The following CDC27 variants were observed in gnomAD, a reference collection of about 807,000 sequenced individuals.
CDC27 encodes the protein cell division cycle protein 27 homolog.
CDC27 carries 27 observed loss-of-function variants against 109.7 expected under a neutral mutation model. The observed-to-expected ratio is 0.25, with a 90% CI of 0.18 to 0.34. The LOEUF is 0.34. Ranked by LOEUF, CDC27 falls within the 10% of genes least tolerant of loss-of-function variation. The pLI, the probability that CDC27 is intolerant of heterozygous loss-of-function variation, is 1.00. For missense variants in CDC27, 579 were observed against 960.2 expected, an observed-to-expected ratio of 0.60 and a Z score of 5.25; for synonymous variants, 266 against 333.9, an observed-to-expected ratio of 0.80 and a Z score of 2.22.
At chr17:47,182,511 T>C (rs1018591795) in intron 1 of CDC27, among the ~76,000 whole-genome samples, 10 of 152,222 alleles carry the variant, frequency 6.6e-5, no homozygotes, top group Non-Finnish European at 1.2e-4. Flanking sequence ...CTTGGTTTTC[T>C]TCACAATTTT....
At chr17:47,141,250 C>CT (rs1239034310) in intron 12 of CDC27, among the ~76,000 whole-genome samples, 3 of 151,958 alleles carry the variant, frequency 2.0e-5, no homozygotes, top group Non-Finnish European at 2.9e-5. Context: ...TAAAAGGTTT[C>CT]TTTTTTTAAG....
chr17:47,183,217 T>G (rs1186277024), intron 1 of CDC27, among the ~76,000 whole-genome samples: 1 of 152,166 alleles, frequency 6.6e-6, no homozygotes, highest in African/African-American at 2.4e-5. Flanking sequence ...AGCTTATAAT[T>G]TGTTGAATGA....
chr17:47,158,475 G>A (rs1056972608), intron 4 of CDC27, among the ~76,000 whole-genome samples, 172 bp from the exon 5 acceptor site: 4 of 152,112 alleles, frequency 2.6e-5, no homozygotes, highest in East Asian at 1.9e-4. Context: ...AAGTGAAAGC[G>A]CACAGAACAT....
chr17:47,169,853 T>C (rs1448064244), intron 4 of CDC27, 64 bp downstream of exon 4: 2 of 1,401,924 alleles, frequency 1.4e-6, no homozygotes, highest in Non-Finnish European at 1.9e-6. Flanking sequence ...ACATAGGTTT[T>C]TTAAACTATA....
chr17:47,124,178 A>AACACACACACACACACACAC (rs59790354), intron 16 of CDC27, among the ~76,000 whole-genome samples: 26 of 144,498 alleles, frequency 1.8e-4, no homozygotes, highest in South Asian at 6.7e-4. Context: ...GTACACTGAA[A>AACACACACACACACACACAC]ACACACACAC....
rs2061929452 is a variant in CDC27 at position 47,118,890 on chromosome 17, G to GT, written c.*2044dup. ...CCCCAACCAGCCATTGCCATGGCAT[G>GT]TCTTACAAAACGATCCTTTTATCCT... On this transcript the variant is annotated 3_prime_UTR_variant, in exon 19 of 19. Coordinates refer to ENST00000066544, the MANE Select transcript of CDC27 (RefSeq NM_001256.6). 1 of 152,324 alleles carries GT rather than the reference G, an allele frequency of 6.6e-6. No homozygotes were observed. Among genetic ancestry groups the GT allele is most frequent in the Admixed American group, 6.5e-5 (1 of 15,292 alleles). The allele number at this position is 152,324 out of a possible 1,614,324, so 9.4% of individuals were successfully genotyped here.
At chr17:47,187,779 T>G (rs1487972564) in intron 1 of CDC27, among the ~76,000 whole-genome samples, 1 of 151,550 alleles carries the variant, frequency 6.6e-6, no homozygotes, top group African/African-American at 2.4e-5. Context: ...TTGAGTAATC[T>G]GCTTATCTAT....
intron 18 of CDC27, 145 bp from the exon 19 acceptor site, chr17:47,121,162 A>T (rs969837021): frequency 2.3e-5 from 14 of 611,798 alleles, no homozygotes; most frequent in Non-Finnish European, 4.0e-5. Flanking sequence ...ATCCTTTAAT[A>T]AAATGCAACT....
At position 47,189,250 on chromosome 17, in the gene CDC27, T is replaced by TTTAAACTCA. The variant is rs1431355876; in HGVS notation, c.-87_-79dup. On this transcript the variant is annotated 5_prime_UTR_variant, in exon 1 of 19. In the 5' UTR this introduces an upstream ATG that the reference lacks. Transcript: ENST00000066544. ...CTCCGGCCCGGCCAGCCCCTGCTCA[T>TTTAAACTCA]TTAAACTCACCAGCGACCGTTACCG... 8.8e-7 allele frequency: 1 copy of TTTAAACTCA among 1,133,054 alleles called. No individual in the cohort carries two copies. Among genetic ancestry groups the TTTAAACTCA allele is most frequent in the Non-Finnish European group, 1.3e-6 (1 of 745,728 alleles). 70.2% of individuals were successfully genotyped at this position (1,133,054 alleles called of 1,614,324 possible). A position where few individuals can be genotyped will look rare whatever the true frequency, so the allele number is the denominator to read the frequency against.
intron 4 of CDC27, among the ~76,000 whole-genome samples, chr17:47,165,951 C>CT (rs2063631215): frequency 6.6e-6 from 1 of 152,206 alleles, no homozygotes; most frequent in Admixed American, 6.5e-5. Context: ...CAAAAGTCAA[C>CT]TGACCATCCA....
intron 4 of CDC27, among the ~76,000 whole-genome samples, chr17:47,169,278 A>G (rs1352832198): frequency 6.6e-6 from 1 of 152,052 alleles, no homozygotes; most frequent in Non-Finnish European, 1.5e-5. Context: ...GGCGTGAGAC[A>G]ATGCACCTGG....
intron 4 of CDC27, chr17:47,159,958 GC>G (rs1657409434): frequency 3.2e-6 from 1 of 312,764 alleles, no homozygotes; most frequent in Admixed American, 5.0e-5. Context: ...CCCATCCACG[GC>G]TGCGACCCCA....
intron 14 of CDC27, among the ~76,000 whole-genome samples, chr17:47,134,910 C>A (rs2062531115): frequency 6.6e-6 from 1 of 150,826 alleles, no homozygotes; most frequent in Non-Finnish European, 1.5e-5. Flanking sequence ...TAGGTATGAG[C>A]CACCATACCT....
chr17:47,120,726 C>G lies in CDC27; in HGVS notation c.*209G>C. 1 of 450,684 alleles carries G rather than the reference C, an allele frequency of 2.2e-6. No individual in the cohort carries two copies. Among genetic ancestry groups the G allele is most frequent in the African/African-American group, 2.0e-5 (1 of 49,000 alleles). 27.9% of individuals were successfully genotyped at this position (450,684 alleles called of 1,614,324 possible). On this transcript the variant is annotated 3_prime_UTR_variant, in exon 19 of 19. Coordinates refer to ENST00000066544, the MANE Select transcript of CDC27 (RefSeq NM_001256.6). ...TACCCCCCATAAATTGTCATTCATA[C>G]TGGTAAAAGAGCCAGTCTTGTTAGC... is the stretch of plus-strand genomic sequence containing the variant.
intron 4 of CDC27, among the ~76,000 whole-genome samples, chr17:47,164,552 C>CA (rs530558979): frequency 2.2e-4 from 34 of 152,326 alleles, no homozygotes; most frequent in African/African-American, 7.2e-4. Flanking sequence ...CACGGTGGCT[C>CA]ATGACTGTAA....
At chr17:47,186,595 C>A (rs2064445939) in intron 1 of CDC27, among the ~76,000 whole-genome samples, 1 of 152,054 alleles carries the variant, frequency 6.6e-6, no homozygotes, top group African/African-American at 2.4e-5. Context: ...CAAATAGTTA[C>A]CATTAAAAAT....
chr17:47,133,420 G>C (rs2148830216), intron 14 of CDC27, among the ~76,000 whole-genome samples: 1 of 143,394 alleles, frequency 7.0e-6, no homozygotes, highest in South Asian at 2.2e-4. Flanking sequence ...CTACAGGTGT[G>C]AGTCATGGTG....
intron 15 of CDC27, among the ~76,000 whole-genome samples, chr17:47,130,118 T>C (rs979520041): frequency 4.6e-5 from 7 of 152,160 alleles, no homozygotes; most frequent in Non-Finnish European, 5.9e-5. Context: ...TCTGAGCACG[T>C]TGGGAGGCCA....
chr17:47,142,633 TTAAC>T (rs1247564404), intron 10 of CDC27, among the ~76,000 whole-genome samples, 197 bp from the exon 11 acceptor site: 4 of 152,228 alleles, frequency 2.6e-5, no homozygotes, highest in Admixed American at 6.5e-5. Context: ...ATAAATTACA[TTAAC>T]TAATAGTGAC....
Sources: allele counts gnomAD v4.1 joint callset (sites outside exome capture counted in the v4.1 genomes callset), GRCh38; gene constraint gnomAD v4.1.1; transcripts MANE v1.5; gene names NCBI Gene and HGNC (gene_info 2026-07-23, HGNC 2026-07-21).